TCTN1: variants seen among roughly 807,000 people sequenced by gnomAD.
The protein encoded by TCTN1 is tectonic family member 1.
Under a neutral mutation model 65.8 loss-of-function variants are expected in TCTN1, and 58 were observed. That is an observed-to-expected ratio of 0.88 (90% confidence interval 0.71 to 1.10). TCTN1 has a LOEUF of 1.10. Among genes scored for constraint, TCTN1 ranks in the 50% least tolerant of loss-of-function variants. The pLI, the probability that TCTN1 is intolerant of heterozygous loss-of-function variation, is 0.00. For missense variants in TCTN1, 645 were observed against 719.4 expected (o/e 0.90, Z 1.18); for synonymous variants, 273 against 289.1 (o/e 0.94, Z 0.57).
intron 5 of TCTN1, among the ~76,000 whole-genome samples, chr12:110,634,170 A>T (rs1423341771): frequency 1.3e-5 from 2 of 152,222 alleles, no homozygotes; most frequent in African/African-American, 4.8e-5. Context: ...ATAATAATAA[A>T]AATATATGTA....
intron 12 of TCTN1, 173 bp from the exon 13 acceptor site, chr12:110,647,023 T>C (rs2067363236): frequency 2.8e-6 from 2 of 718,798 alleles, no homozygotes; most frequent in East Asian, 2.8e-5. Context: ...TTTTGGGGCA[T>C]TGAGTTACTT....
intron 7 of TCTN1, among the ~76,000 whole-genome samples, chr12:110,636,769 GA>G (rs1231621079): frequency 6.6e-6 from 1 of 152,202 alleles, no homozygotes; most frequent in Non-Finnish European, 1.5e-5. Flanking sequence ...CAGTGGGTAT[GA>G]TTGACTTCTG....
At position 110,614,300 on chromosome 12, in the gene TCTN1, G is replaced by A; in HGVS notation, c.118G>A (p.Ala40Thr). 1 of 1,600,546 alleles carries A rather than the reference G, an allele frequency of 6.2e-7. No individual in the cohort carries two copies. Among genetic ancestry groups the A allele is most frequent in the South Asian group, 1.1e-5 (1 of 88,824 alleles). ...GACAGAGGGCCTCAACTCCACCGAG[G>A]CAGCCCTGGCCACCTTCGGAACTTT... ...VTTEGLNSTE[A>T]ALATFGTFPS... Residue 40 changes from alanine to threonine, a missense_variant, in exon 1 of 15, where the codon GCA becomes ACA. Transcript: ENST00000397659.
intron 6 of TCTN1, among the ~76,000 whole-genome samples, 190 bp downstream of exon 6, chr12:110,634,969 C>G (rs907812589): frequency 6.6e-6 from 1 of 152,076 alleles, no homozygotes; most frequent in South Asian, 2.1e-4. Context: ...ATAGTTAGCT[C>G]ATATTTTGCT....
At position 110,619,884 on chromosome 12, in the gene TCTN1, A is replaced by G. The variant is rs1178420755; in HGVS notation, c.269A>G (p.Asn90Ser). 4 of 1,613,930 alleles carry G rather than the reference A, an allele frequency of 2.5e-6. No homozygotes were observed. The highest frequency in any genetic ancestry group is 1.3e-5 in the African/African-American group (1 of 74,878). ...TTATCCCCAGCACAGTGTGACATCAACTGCTGCTGTGATCCCGACTGCAGC... is the reference window on the plus strand; with the variant it reads ...TTATCCCCAGCACAGTGTGACATCAGCTGCTGCTGTGATCCCGACTGCAGC... ...CDLSPAQCDI[N>S]CCCDPDCSSV... The change falls in exon 2 of 15, where the codon AAC (asparagine) becomes AGC (serine). Residue 90 changes from asparagine (N) to serine (S), a missense_variant. Asn to Ser is a conservative substitution (Grantham distance 46, BLOSUM62 1). Transcript: ENST00000397659.
Position 110,639,096 on chromosome 12 carries a change from T to G in TCTN1, c.844-1287T>G, listed in dbSNP as rs1016196162. 6.6e-6 allele frequency among the ~76,000 whole-genome samples: 1 copy of G among 152,264 alleles called. No individual in the cohort carries two copies. The highest frequency in any genetic ancestry group is 2.4e-5 in the African/African-American group (1 of 41,464). On this transcript the variant is annotated intron_variant, in intron 7 of 14. Coordinates refer to ENST00000397659, the MANE Select transcript of TCTN1 (RefSeq NM_001082538.3). This position sits in a 1 kb window ranked among gnomAD's most constrained non-coding sequence, Gnocchi z 4.9. ...ACTGCTTATTTATCTCTAAAATAACTGCTTAAATACTTGGTCATTTTGAAT... is the reference window on the plus strand; with the variant it reads ...ACTGCTTATTTATCTCTAAAATAACGGCTTAAATACTTGGTCATTTTGAAT...
Position 110,614,266 on chromosome 12 carries a change from G to A in TCTN1, c.84G>A (p.Pro28=), listed in dbSNP as rs777519512. ...ASVSAQTDAT[P]AVTTEGLNST... Reference sequence around the variant, plus strand: ...TGAGCGCCCAGACCGATGCCACCCCGGCGGTGACGACAGAGGGCCTCAACT... The same window carrying A: ...TGAGCGCCCAGACCGATGCCACCCCAGCGGTGACGACAGAGGGCCTCAACT... Residue 28 remains proline (P), a synonymous_variant, in exon 1 of 15, where the codon CCG becomes CCA. Coordinates refer to ENST00000397659, the MANE Select transcript of TCTN1 (RefSeq NM_001082538.3). 1.1e-5 allele frequency: 18 copies of A among 1,595,654 alleles called. No homozygotes were observed. In the African/African-American group the frequency reaches 1.3e-4, roughly 12 times the overall value.
In TCTN1 at chr12:110,640,616, GC is replaced by G. The variant is rs1441177413; in HGVS notation, c.978+102del. 1.3e-6 allele frequency: 2 copies of G among 1,572,512 alleles called. No homozygotes were observed. The highest frequency in any genetic ancestry group is 2.7e-5 in the African/African-American group (2 of 74,184). ...CGCCCTCCGAGGACGCTCTGTCCCA[GC>G]CCATGGTGTGGCTTTTCTTGGCTCA... On this transcript the variant is annotated intron_variant, in intron 8 of 14. Coordinates refer to ENST00000397659, the MANE Select transcript of TCTN1 (RefSeq NM_001082538.3). This position sits in a 1 kb window ranked among gnomAD's most constrained non-coding sequence, Gnocchi z 4.9.
At chr12:110,636,309 C>T in intron 6 of TCTN1, 172 bp from the exon 7 acceptor site, 1 of 557,910 alleles carries the variant, frequency 1.8e-6, no homozygotes, top group East Asian at 3.2e-5. Context: ...TTGATTAGGA[C>T]ATAGATTCAA....
At chr12:110,631,819 G>A (rs1009727955) in intron 4 of TCTN1, among the ~76,000 whole-genome samples, 1 of 152,068 alleles carries the variant, frequency 6.6e-6, no homozygotes, top group African/African-American at 2.4e-5. Context: ...GAGTTAGTTT[G>A]GTAAAAATGA....
At chr12:110,627,971 C>T in intron 3 of TCTN1, 1 of 1,397,838 alleles carries the variant, frequency 7.2e-7, no homozygotes, top group Non-Finnish European at 9.8e-7. Context: ...TGATAACTGG[C>T]CAGTGACTGT....
intron 4 of TCTN1, among the ~76,000 whole-genome samples, chr12:110,631,964 T>G (rs2066266296): frequency 6.6e-6 from 1 of 152,186 alleles, no homozygotes; most frequent in African/African-American, 2.4e-5. Context: ...AACTTTCAAG[T>G]TCGAGAAAAT....
chr12:110,648,299 C>T lies in TCTN1; in HGVS notation c.*1+406C>T, dbSNP rs191883662. 1.0e-3 allele frequency among the ~76,000 whole-genome samples: 153 copies of T among 152,292 alleles called. 2 individuals are homozygous for T. The highest frequency in any genetic ancestry group is 7.4e-5 in the Non-Finnish European group (5 of 68,026). Reference sequence around the variant, plus strand: ...TTATACTTCTAACCTTTGAGGTTGCCTCCAAACCAGCACACTGCCCTTCTC... The same window carrying T: ...TTATACTTCTAACCTTTGAGGTTGCTTCCAAACCAGCACACTGCCCTTCTC... On this transcript the variant is annotated intron_variant, in intron 14 of 14. Coordinates refer to ENST00000397659, the MANE Select transcript of TCTN1 (RefSeq NM_001082538.3).
chr12:110,630,988 A>G (rs2136029431), intron 4 of TCTN1, among the ~76,000 whole-genome samples: 1 of 152,230 alleles, frequency 6.6e-6, no homozygotes, highest in South Asian at 2.1e-4. Flanking sequence ...TGTTTTTGAG[A>G]TGGAGTCTTG....
At chr12:110,645,448 G>C (rs1395175183) in intron 12 of TCTN1, 1 of 381,466 alleles carries the variant, frequency 2.6e-6, no homozygotes, top group African/African-American at 2.1e-5. Flanking sequence ...GTCCATAAAT[G>C]GGAACCTCTG....
Position 110,641,062 on chromosome 12 carries a change from C to T in TCTN1, c.1017C>T (p.Val339=). 6.2e-7 allele frequency: 1 copy of T among 1,614,214 alleles called. No homozygotes were observed. The highest frequency in any genetic ancestry group is 8.5e-7 in the Non-Finnish European group (1 of 1,180,038). Residue 339 remains valine, a synonymous_variant, in exon 9 of 15, where the codon GTC becomes GTT. Transcript: ENST00000397659. ...YSLTYTDAGE[V]TKADLSFVLG... is the part of the protein sequence containing the mutation. The stretch of plus-strand genomic sequence containing the variant: ...TCACATACACAGATGCAGGTGAAGT[C>T]ACCAAAGCTGATCTCTCATTCGTTC...
intron 10 of TCTN1, 56 bp from the exon 11 acceptor site, chr12:110,642,193 A>T: frequency 6.2e-7 from 1 of 1,611,958 alleles, no homozygotes. Flanking sequence ...CTGTCTTCTT[A>T]CCTGAGAACC....
intron 10 of TCTN1, chr12:110,641,966 T>A (rs186010859): frequency 3.6e-6 from 2 of 558,164 alleles, no homozygotes; most frequent in African/African-American, 3.7e-5. Flanking sequence ...CATTTAAATG[T>A]TTTTAATTTC....
chr12:110,647,385 ACAACT>A, intron 13 of TCTN1, 49 bp downstream of exon 13: 1 of 1,609,988 alleles, frequency 6.2e-7, no homozygotes, highest in Non-Finnish European at 8.5e-7. Context: ...AAGTCTAGAC[ACAACT>A]CAAGTGTGGT....
Sources: gnomAD v4.1 joint callset for allele counts (sites outside exome capture counted in the v4.1 genomes callset) on GRCh38, gnomAD v4.1.1 for gene constraint, Gnocchi (gnomAD v3.1) non-coding constraint, MANE v1.5 for transcripts, NCBI Gene and HGNC (gene_info 2026-07-23, HGNC 2026-07-21) for gene names.